The following PLCB1 variants were observed in gnomAD, a reference collection of about 807,000 sequenced individuals.
The protein encoded by PLCB1 is 1-phosphatidylinositol 4,5-bisphosphate phosphodiesterase beta-1.
Under a neutral mutation model 161.8 loss-of-function variants are expected in PLCB1, and 46 were observed. That is an observed-to-expected ratio of 0.28 (90% confidence interval 0.22 to 0.36). The LOEUF is 0.36. PLCB1 is among the 10% of genes least tolerant of loss of function. The pLI is 1.00. For synonymous variants in PLCB1, 517 were observed against 503.7 expected (o/e 1.03, Z -0.35); for missense variants, 1,016 against 1,472.5 (o/e 0.69, Z 5.07).
At chr20:8,642,082 G>A (rs1988973814) in intron 4 of PLCB1, among the ~76,000 whole-genome samples, 1 of 152,110 alleles carries the variant, frequency 6.6e-6, no homozygotes, top group African/African-American at 2.4e-5. Context: ...ATATTATTAT[G>A]CTAGTTGTCC....
chr20:8,279,273 G>A (rs1163302994), intron 2 of PLCB1, among the ~76,000 whole-genome samples: 2 of 152,092 alleles, frequency 1.3e-5, no homozygotes, highest in Admixed American at 6.5e-5. Flanking sequence ...CAGATAAATG[G>A]ATAAGCAAAA....
intron 2 of PLCB1, among the ~76,000 whole-genome samples, chr20:8,164,854 C>A (rs951174194): frequency 6.6e-6 from 1 of 152,158 alleles, no homozygotes; most frequent in South Asian, 2.1e-4. Flanking sequence ...CATTTCAGTT[C>A]CATGAATGAA....
chr20:8,757,320 C>T, intron 24 of PLCB1, 142 bp downstream of exon 24: 1 of 771,656 alleles, frequency 1.3e-6, no homozygotes, highest in Non-Finnish European at 2.0e-6. Context: ...CGTCAATGTG[C>T]AATTAATGAA....
chr20:8,246,898 CT>C (rs1250859576), intron 2 of PLCB1, among the ~76,000 whole-genome samples: 2 of 151,850 alleles, frequency 1.3e-5, no homozygotes, highest in African/African-American at 4.8e-5. Context: ...TACCCTCATG[CT>C]CTTGAAGTCC....
chr20:8,874,157 G>A (rs893626139), intron 31 of PLCB1, among the ~76,000 whole-genome samples: 2 of 151,108 alleles, frequency 1.3e-5, no homozygotes, highest in East Asian at 1.9e-4. Flanking sequence ...ATAAATCATG[G>A]CATCATTCTG....
chr20:8,509,978 G>A (rs1983811213), intron 3 of PLCB1, among the ~76,000 whole-genome samples: 1 of 152,070 alleles, frequency 6.6e-6, no homozygotes, highest in Admixed American at 6.6e-5. Flanking sequence ...CTTTTCAGAG[G>A]CTATATTGTG....
chr20:8,553,011 T>C (rs530012614), intron 3 of PLCB1, among the ~76,000 whole-genome samples: 16 of 152,300 alleles, frequency 1.1e-4, no homozygotes, highest in African/African-American at 3.6e-4. Context: ...ATCTTTGATA[T>C]ATTTGATGAT....
intron 31 of PLCB1, among the ~76,000 whole-genome samples, chr20:8,836,579 A>G (rs1304221506): frequency 1.5e-5 from 2 of 130,666 alleles, no homozygotes; most frequent in Non-Finnish European, 3.4e-5. Context: ...AGGTTTAACG[A>G]TGCTAATAAC....
intron 3 of PLCB1, among the ~76,000 whole-genome samples, chr20:8,519,178 T>C (rs889882782): frequency 5.3e-5 from 8 of 151,670 alleles, no homozygotes; most frequent in Non-Finnish European, 1.0e-4. Context: ...AAATGCCCAC[T>C]GAGGTTGGAA....
At chr20:8,809,249 C>T (rs1984692934) in intron 31 of PLCB1, among the ~76,000 whole-genome samples, 1 of 152,108 alleles carries the variant, frequency 6.6e-6, no homozygotes, top group Non-Finnish European at 1.5e-5. Context: ...TCAAAGCGAT[C>T]GTCCCGCCTC....
At chr20:8,204,465 G>A (rs1294266068) in intron 2 of PLCB1, among the ~76,000 whole-genome samples, 1 of 152,014 alleles carries the variant, frequency 6.6e-6, no homozygotes, top group Non-Finnish European at 1.5e-5. Flanking sequence ...CTCCAATCTC[G>A]GGTTGAATTG....
intron 25 of PLCB1, 55 bp downstream of exon 25, chr20:8,760,515 A>G: frequency 8.2e-7 from 1 of 1,223,558 alleles, no homozygotes. Flanking sequence ...TACACAGTGG[A>G]AGTATTTAGA....
intron 23 of PLCB1, 135 bp downstream of exon 23, chr20:8,741,708 A>G (rs897680107): frequency 8.4e-6 from 5 of 596,076 alleles, no homozygotes; most frequent in Admixed American, 5.4e-5. Context: ...GCAGTTTAGC[A>G]TCATGTCACA....
intron 3 of PLCB1, among the ~76,000 whole-genome samples, chr20:8,411,758 T>C (rs1413466017): frequency 6.6e-6 from 1 of 152,162 alleles, no homozygotes; most frequent in African/African-American, 2.4e-5. Flanking sequence ...GCACGGTGGC[T>C]CACTCCTGAA....
At position 8,733,395 on chromosome 20, in the gene PLCB1, A is replaced by G. The variant is rs1362339974; in HGVS notation, c.2043+3A>G. 2 of 1,612,696 alleles carry G rather than the reference A, an allele frequency of 1.2e-6. No individual in the cohort carries two copies. The highest frequency in any genetic ancestry group is 1.7e-6 in the Non-Finnish European group (2 of 1,178,886). ...TGGCAAACACTTTGTCTGTTAAGGT[A>G]GGTATACCCCATCACAAAATTGTTC... On this transcript the variant is annotated splice_donor_region_variant and intron_variant, in intron 19 of 31. Coordinates refer to ENST00000338037, the MANE Select transcript of PLCB1 (RefSeq NM_015192.4).
chr20:8,311,639 T>C (rs1276668098), intron 2 of PLCB1, among the ~76,000 whole-genome samples: 2 of 152,208 alleles, frequency 1.3e-5, no homozygotes, highest in African/African-American at 4.8e-5. Context: ...CATTGGCATG[T>C]CTAGTGATTC....
At chr20:8,867,692 A>G (rs906215315) in intron 31 of PLCB1, among the ~76,000 whole-genome samples, 4 of 152,158 alleles carry the variant, frequency 2.6e-5, no homozygotes, top group African/African-American at 9.7e-5. Flanking sequence ...TTGCAGACTC[A>G]GTTGGGCCTT....
intron 2 of PLCB1, among the ~76,000 whole-genome samples, chr20:8,225,837 T>A (rs1180657519): frequency 1.3e-5 from 2 of 152,238 alleles, no homozygotes; most frequent in East Asian, 3.8e-4. Flanking sequence ...CGATTAGGTG[T>A]TTGTTTAAAT....
At chr20:8,422,997 G>A (rs1328790821) in intron 3 of PLCB1, among the ~76,000 whole-genome samples, 1 of 152,134 alleles carries the variant, frequency 6.6e-6, no homozygotes, top group Non-Finnish European at 1.5e-5. Flanking sequence ...ACTTAGTATA[G>A]TTCTGGCACA....
Sources: allele counts gnomAD v4.1 joint callset (sites outside exome capture counted in the v4.1 genomes callset), GRCh38; gene constraint gnomAD v4.1.1; transcripts MANE v1.5; gene names NCBI Gene and HGNC (gene_info 2026-07-23, HGNC 2026-07-21).